Variants in PSMD14 observed in about 807,000 individuals in gnomAD.
PSMD14 encodes ubiquitin C-terminal hydrolase PSMD14.
In PSMD14, 7 loss-of-function variants were observed where a neutral mutation model predicts 41.2. That is an observed-to-expected ratio of 0.17 (90% CI 0.10 to 0.32). The LOEUF (loss-of-function observed/expected upper bound fraction) is 0.32, where lower values mean the gene tolerates loss of function less well. Ranked by LOEUF, PSMD14 falls within the 10% of genes least tolerant of loss-of-function variation. The probability of loss-of-function intolerance (pLI) is 1.00; values close to 1 mark genes in which losing one functional copy is unlikely to be tolerated. For synonymous variants in PSMD14, 114 were observed against 122.3 expected (o/e 0.93, Z 0.45); for missense variants, 139 against 375.6 (o/e 0.37, Z 5.21).
chr2:161,311,997 G>A (rs558791564), intron 1 of PSMD14, among the ~76,000 whole-genome samples: 187 of 152,114 alleles, frequency 1.2e-3, no homozygotes, highest in African/African-American at 4.3e-3. Flanking sequence ...ACTCACTCAC[G>A]ATCTTCCACT....
At chr2:161,360,893 A>G (rs1286395580) in intron 3 of PSMD14, among the ~76,000 whole-genome samples, 2 of 152,158 alleles carry the variant, frequency 1.3e-5, no homozygotes, top group Non-Finnish European at 2.9e-5. Context: ...TTCTTTGCCC[A>G]TGTTTCCATT....
chr2:161,319,022 C>T (rs1472943217), intron 3 of PSMD14, 149 bp downstream of exon 3: 2 of 517,224 alleles, frequency 3.9e-6, no homozygotes, highest in Non-Finnish European at 6.8e-6. Flanking sequence ...TGTTATCTTG[C>T]AACACTAGAT....
intron 8 of PSMD14, among the ~76,000 whole-genome samples, chr2:161,386,499 C>G (rs527957959): frequency 4.0e-4 from 61 of 151,422 alleles, no homozygotes; most frequent in African/African-American, 1.4e-3. Flanking sequence ...GGGGCAGTCA[C>G]TCATCTGTAA....
rs752355013 is a variant in PSMD14, at chr2:161,395,067, T to C, written c.646-11T>C. The C allele has an allele frequency of 4.5e-6, 7 of 1,571,322 alleles. No individual in the cohort carries two copies. In the Admixed American group the frequency reaches 8.0e-5, roughly 18 times the overall value. Reference sequence around the variant, plus strand: ...GGCAGAAAAAGAATTACTTTTTCTTTTATTTTTTAGATGTTGCTAAATTTG... The same window carrying C: ...GGCAGAAAAAGAATTACTTTTTCTTCTATTTTTTAGATGTTGCTAAATTTG... On this transcript the variant is annotated splice_polypyrimidine_tract_variant and intron_variant, in intron 9 of 11. Transcript: ENST00000409682.
intron 10 of PSMD14, among the ~76,000 whole-genome samples, chr2:161,405,975 A>G (rs1406845697): frequency 1.3e-5 from 2 of 152,070 alleles, no homozygotes; most frequent in African/African-American, 4.8e-5. Context: ...AGCTCTAAGT[A>G]TGTTCAGAAA....
chr2:161,360,370 T>G lies in PSMD14; in HGVS notation c.49-7108T>G, dbSNP rs547775431. Among the ~76,000 whole-genome samples the G allele has an allele frequency of 4.6e-4, 70 of 151,278 alleles. 1 individual carries two copies. Among genetic ancestry groups the G allele is most frequent in the Admixed American group, 3.6e-3 (55 of 15,224 alleles). ...CCTGGCTGAGCCTTTCATATTGTTT[T>G]TTTTTTTTTTTCACCCGCTCTGTCA... On this transcript the variant is annotated intron_variant, in intron 3 of 11. Transcript: ENST00000409682.
rs181324460 is a variant in PSMD14 at position 161,360,151 on chromosome 2, A to G, written c.49-7327A>G. ...TTAAGCTTCAGGTTAAACAAAGATA[A>G]ACAGCTTTTTTCCACCCCGTAACAT... On this transcript the variant is annotated intron_variant, in intron 3 of 11. Coordinates refer to ENST00000409682, the MANE Select transcript of PSMD14 (RefSeq NM_005805.6). Among the ~76,000 whole-genome samples, 128 of 152,046 alleles carry G rather than the reference A, an allele frequency of 8.4e-4. 1 individual carries two copies. The highest frequency in any genetic ancestry group is 3.0e-3 in the African/African-American group (123 of 41,474).
chr2:161,351,589 T>C (rs993008819), intron 3 of PSMD14, among the ~76,000 whole-genome samples: 1 of 152,212 alleles, frequency 6.6e-6, no homozygotes, highest in African/African-American at 2.4e-5. Context: ...AATGATCCCT[T>C]ACCCTCCTCT....
chr2:161,367,592 C>A (rs758384915), intron 4 of PSMD14, 43 bp downstream of exon 4: 44 of 1,508,844 alleles, frequency 2.9e-5, no homozygotes, highest in Non-Finnish European at 3.1e-5. Context: ...AACTCTGTTG[C>A]TTTCACTGTA....
At chr2:161,330,210 T>C (rs990763364) in intron 3 of PSMD14, among the ~76,000 whole-genome samples, 2 of 152,160 alleles carry the variant, frequency 1.3e-5, no homozygotes, top group Non-Finnish European at 1.5e-5. Flanking sequence ...AAATAAAAAT[T>C]GTGAAAAGTA....
chr2:161,399,522 G>A (rs79270060), intron 10 of PSMD14, among the ~76,000 whole-genome samples: 2 of 152,084 alleles, frequency 1.3e-5, no homozygotes, highest in East Asian at 3.9e-4. Flanking sequence ...CTTTAATGCC[G>A]ATTTGTGAGA....
At chr2:161,344,773 A>G (rs1412452269) in intron 3 of PSMD14, among the ~76,000 whole-genome samples, 1 of 152,168 alleles carries the variant, frequency 6.6e-6, no homozygotes, top group South Asian at 2.1e-4. Context: ...GAGTCATAAG[A>G]GTTCTTTTTA....
At chr2:161,317,156 A>G (rs192430751) in intron 2 of PSMD14, among the ~76,000 whole-genome samples, 2 of 152,218 alleles carry the variant, frequency 1.3e-5, no homozygotes, top group Non-Finnish European at 2.9e-5. Context: ...TTAGCCTTTA[A>G]AAAGTGCTGT....
At chr2:161,407,708 C>A (rs912785041) in intron 10 of PSMD14, 1 of 152,056 alleles carries the variant, frequency 6.6e-6, no homozygotes, top group African/African-American at 2.4e-5. Context: ...TTCAGAGTAT[C>A]CAAATCTAAC....
chr2:161,382,141 T>C (rs923885596), intron 7 of PSMD14: 1 of 151,888 alleles, frequency 6.6e-6, no homozygotes, highest in Non-Finnish European at 1.5e-5. Flanking sequence ...CTAACCAGTA[T>C]ATTCACAGCA....
At chr2:161,368,863 A>G (rs1010651429) in intron 5 of PSMD14, among the ~76,000 whole-genome samples, 11 of 151,962 alleles carry the variant, frequency 7.2e-5, no homozygotes, top group East Asian at 1.9e-4. Flanking sequence ...AAAAATAAGC[A>G]TTTAAAATAG....
chr2:161,338,878 G>T (rs1024172082), intron 3 of PSMD14, among the ~76,000 whole-genome samples: 2 of 152,094 alleles, frequency 1.3e-5, no homozygotes, highest in African/African-American at 4.8e-5. Context: ...GCATTTTCTA[G>T]CATGTTAATC....
At chr2:161,321,926 G>A (rs1682613485) in intron 3 of PSMD14, among the ~76,000 whole-genome samples, 1 of 152,080 alleles carries the variant, frequency 6.6e-6, no homozygotes, top group South Asian at 2.1e-4. Context: ...TTTTTATTGG[G>A]ACTCGGCATA....
At chr2:161,364,187 C>T (rs1385411810) in intron 3 of PSMD14, among the ~76,000 whole-genome samples, 1 of 152,168 alleles carries the variant, frequency 6.6e-6, no homozygotes, top group Non-Finnish European at 1.5e-5. Flanking sequence ...TGCCTGCGTG[C>T]TGGTTTGCTC....
Sources: gnomAD v4.1 joint callset for allele counts (sites outside exome capture counted in the v4.1 genomes callset) on GRCh38, gnomAD v4.1.1 for gene constraint, MANE v1.5 for transcripts, NCBI Gene and HGNC (gene_info 2026-07-23, HGNC 2026-07-21) for gene names.